Variants in FAAH2 observed in about 807,000 individuals in gnomAD.
The protein encoded by FAAH2 is fatty acid amide hydrolase 2.
FAAH2 carries 60 observed loss-of-function variants against 36.9 expected under a neutral mutation model. That is an observed-to-expected ratio of 1.63 (90% CI 1.32 to 2.02). FAAH2 has a LOEUF of 2.02. FAAH2 is among the 30% of genes most tolerant of loss of function. The probability of loss-of-function intolerance (pLI) is 0.00; values close to 1 mark genes in which losing one functional copy is unlikely to be tolerated. For missense variants in FAAH2, 689 were observed against 397.5 expected, an observed-to-expected ratio of 1.73 and a Z score of -6.23; for synonymous variants, 214 against 143.8, an observed-to-expected ratio of 1.49 and a Z score of -3.49.
At chrX:57,260,811 G>A in the FAAH2 span, among the ~76,000 whole-genome samples, 1 of 110,967 alleles carries the variant, frequency 9.0e-6, no homozygotes, top group South Asian at 3.8e-4. Flanking sequence ...AGTATCATTA[G>A]TCATCAGAAA....
chrX:57,203,683 A>G, the FAAH2 span, among the ~76,000 whole-genome samples: 2 of 111,726 alleles, frequency 1.8e-5, no homozygotes. Context: ...GCCTCCAAGT[A>G]TTTTTATCTA....
At chrX:57,263,293 A>G in the FAAH2 span, among the ~76,000 whole-genome samples, 2 of 111,861 alleles carry the variant, frequency 1.8e-5, no homozygotes, top group Non-Finnish European at 3.8e-5. Context: ...ATGTATGTCT[A>G]TATGCTAGGA....
chrX:57,370,055 C>A (rs893489018), intron 5 of FAAH2, among the ~76,000 whole-genome samples: 1 of 110,881 alleles, frequency 9.0e-6, no homozygotes, highest in Non-Finnish European at 1.9e-5. Flanking sequence ...CAGCAAATTA[C>A]AGCACATAAA....
chrX:57,384,006 C>A (rs2054935036), intron 7 of FAAH2, among the ~76,000 whole-genome samples: 1 of 111,576 alleles, frequency 9.0e-6, no homozygotes, highest in Admixed American at 9.5e-5. Flanking sequence ...ACAGAGCCCT[C>A]AGAAATAATG....
chrX:57,382,559 T>A (rs965053883), intron 7 of FAAH2, among the ~76,000 whole-genome samples: 1 of 111,619 alleles, frequency 9.0e-6, no homozygotes, highest in African/African-American at 3.3e-5. Context: ...TCTATGCAAA[T>A]AAACTAGAAA....
chrX:57,138,567 G>A, the FAAH2 span, among the ~76,000 whole-genome samples: 3 of 110,902 alleles, frequency 2.7e-5, no homozygotes, highest in African/African-American at 9.9e-5. Flanking sequence ...CTTTCTTTTG[G>A]ATATATACCC....
intron 10 of FAAH2, 73 bp from the exon 11 acceptor site, chrX:57,488,684 G>A: frequency 2.5e-5 from 25 of 996,920 alleles, no homozygotes; most frequent in Non-Finnish European, 3.2e-5. Context: ...ATTTATTATT[G>A]GTAAAATAAT....
chrX:57,349,278 C>T lies in FAAH2; in HGVS notation c.742+7888C>T, dbSNP rs1179539133. 3.6e-3 allele frequency among the ~76,000 whole-genome samples: 327 copies of T among 92,014 alleles called. 2 individuals are homozygous for T. Among genetic ancestry groups the T allele is most frequent in the African/African-American group, 0.011 (277 of 25,583 alleles). The allele number at this position is 92,014 out of a possible 115,157, so 79.9% of individuals were successfully genotyped here. A position where few individuals can be genotyped will look rare whatever the true frequency, so the allele number is the denominator to read the frequency against. On this transcript the variant is annotated intron_variant, in intron 5 of 10. Coordinates refer to ENST00000374900, the MANE Select transcript of FAAH2 (RefSeq NM_174912.4). The stretch of plus-strand genomic sequence containing the variant: ...GTGTATATATGTATATACATATATA[C>T]ATATATACATATATACACAGATATA...
intron 2 of FAAH2, among the ~76,000 whole-genome samples, chrX:57,307,210 C>A (rs1052408698): frequency 1.9e-5 from 2 of 105,690 alleles, no homozygotes; most frequent in Non-Finnish European, 3.9e-5. Context: ...GGTTCTTCTT[C>A]TCTATAATAA....
chrX:57,167,097 T>C, the FAAH2 span, among the ~76,000 whole-genome samples: 3 of 111,943 alleles, frequency 2.7e-5, no homozygotes, highest in African/African-American at 9.7e-5. Flanking sequence ...GGTGCCCTAA[T>C]GTCTGGAAGT....
chrX:57,328,668 T>C (rs757927919), intron 3 of FAAH2, among the ~76,000 whole-genome samples: 1 of 112,217 alleles, frequency 8.9e-6, no homozygotes, highest in African/African-American at 3.2e-5. Flanking sequence ...TTGTGCTGGT[T>C]CTTTCTTATT....
the FAAH2 span, among the ~76,000 whole-genome samples, chrX:57,218,194 T>C: frequency 8.9e-6 from 1 of 111,921 alleles, no homozygotes; most frequent in African/African-American, 3.3e-5. Context: ...TTTATTTATT[T>C]CTCTTGTCTG....
At chrX:57,187,827 G>A in the FAAH2 span, among the ~76,000 whole-genome samples, 2 of 110,889 alleles carry the variant, frequency 1.8e-5, no homozygotes, top group Admixed American at 9.6e-5. Context: ...AGATAATGTG[G>A]TTTTGTCATT....
the FAAH2 span, among the ~76,000 whole-genome samples, chrX:57,251,012 G>A: frequency 3.2e-4 from 36 of 111,327 alleles, no homozygotes; most frequent in Admixed American, 1.8e-3. Flanking sequence ...ATTTTGCAAG[G>A]CCAGTATTAG....
the FAAH2 span, among the ~76,000 whole-genome samples, chrX:57,244,396 C>A: frequency 6.7e-3 from 742 of 110,764 alleles, 29 homozygotes; most frequent in Admixed American, 0.066. Flanking sequence ...ATGCAGAGAA[C>A]ACCACAAACA....
intron 6 of FAAH2, among the ~76,000 whole-genome samples, chrX:57,379,195 A>G (rs2054769451): frequency 9.0e-6 from 1 of 110,736 alleles, no homozygotes; most frequent in African/African-American, 3.3e-5. Flanking sequence ...TTTTTAATAT[A>G]TTTTCTGTAG....
At chrX:57,182,230 G>A in the FAAH2 span, among the ~76,000 whole-genome samples, 1 of 112,199 alleles carries the variant, frequency 8.9e-6, no homozygotes, top group Non-Finnish European at 1.9e-5. Context: ...AGCAATAATT[G>A]ACAAATTAGA....
chrX:57,451,139 C>T (rs1277222806), intron 10 of FAAH2, among the ~76,000 whole-genome samples: 1 of 111,401 alleles, frequency 9.0e-6, no homozygotes, highest in Non-Finnish European at 1.9e-5. Context: ...TTAACCCAGG[C>T]CCTATGATTT....
the FAAH2 span, among the ~76,000 whole-genome samples, chrX:57,174,235 T>C: frequency 9.1e-6 from 1 of 109,760 alleles, no homozygotes; most frequent in Non-Finnish European, 1.9e-5. Context: ...TTCTTGGCAG[T>C]TTTCTTTTTT....
Sources: gnomAD v4.1 joint callset for allele counts (sites outside exome capture counted in the v4.1 genomes callset) on GRCh38, gnomAD v4.1.1 for gene constraint, MANE v1.5 for transcripts, NCBI Gene and HGNC (gene_info 2026-07-23, HGNC 2026-07-21) for gene names.